The following GNG4 variants were observed in gnomAD, a reference collection of about 807,000 sequenced individuals.
The protein encoded by GNG4 is G protein subunit gamma 4.
In GNG4, 4 loss-of-function variants were observed where a neutral mutation model predicts 5.8. The ratio of observed to expected loss-of-function variants is 0.69; its 90% CI spans 0.34 to 1.57. GNG4 has a LOEUF of 1.57. Among genes scored for constraint, GNG4 ranks in the 40% most tolerant of loss-of-function variants. The probability of loss-of-function intolerance (pLI) is 0.06; values close to 1 mark genes in which losing one functional copy is unlikely to be tolerated. For synonymous variants in GNG4, 29 were observed against 32.9 expected (o/e 0.88, Z 0.41); for missense variants, 96 against 95.1 (o/e 1.01, Z -0.04).
intron 1 of GNG4, among the ~76,000 whole-genome samples, chr1:235,616,926 T>C (rs1211086761): frequency 1.5e-5 from 2 of 136,584 alleles, no homozygotes; most frequent in Non-Finnish European, 3.0e-5. Context: ...TTTTTTTTTT[T>C]CAGTAGAGAT....
chr1:235,581,803 C>G (rs4268348), intron 3 of GNG4, among the ~76,000 whole-genome samples: 44,754 of 152,050 alleles, frequency 0.29, 7,567 homozygotes, highest in African/African-American at 0.45. Flanking sequence ...TGACTTTCCT[C>G]TTTCTTTTAG....
chr1:235,643,312 G>T lies in GNG4; in HGVS notation c.-123+6350C>A, dbSNP rs549529110. ...CTGGAAAGCCCTTTCTCATTTGTCT[G>T]GCTTGAAAAACCTGCCTCAGCTCAC... On this transcript the variant is annotated intron_variant, in intron 1 of 3. Coordinates refer to ENST00000391854, the MANE Select transcript of GNG4 (RefSeq NM_001098722.2). 8.2e-4 allele frequency among the ~76,000 whole-genome samples: 125 copies of T among 152,280 alleles called. 1 individual carries two copies. The highest frequency in any genetic ancestry group is 1.4e-3 in the Non-Finnish European group (92 of 68,024).
intron 1 of GNG4, among the ~76,000 whole-genome samples, chr1:235,626,429 G>A (rs1688810644): frequency 6.6e-6 from 1 of 152,170 alleles, no homozygotes; most frequent in Admixed American, 6.6e-5. Flanking sequence ...CCTGGGACTA[G>A]AGGGAGGCTA....
At chr1:235,618,258 C>T (rs1184431222) in intron 1 of GNG4, among the ~76,000 whole-genome samples, 1 of 152,168 alleles carries the variant, frequency 6.6e-6, no homozygotes, top group Non-Finnish European at 1.5e-5. Context: ...GATGGGCTTT[C>T]AATCACCTGT....
intron 3 of GNG4, among the ~76,000 whole-genome samples, chr1:235,564,572 T>G (rs867165778): frequency 6.6e-6 from 1 of 152,334 alleles, no homozygotes. Context: ...CCTATTTTAA[T>G]GTAAGTATTT....
intron 2 of GNG4, among the ~76,000 whole-genome samples, chr1:235,589,450 G>A (rs771628173): frequency 5.3e-5 from 8 of 152,212 alleles, no homozygotes; most frequent in Non-Finnish European, 1.0e-4. Context: ...CAGTGTGAGA[G>A]AGCTGGTATG....
Position 235,552,062 on chromosome 1 carries a change from G to A in GNG4, c.*47C>T. ...GCTTAGAGCATGCATGGTCTCTACA[G>A]GGGACTTTGAAGGTCAGAAAAGGAG... On this transcript the variant is annotated 3_prime_UTR_variant, in exon 4 of 4. Coordinates refer to ENST00000391854, the MANE Select transcript of GNG4 (RefSeq NM_001098722.2). 1 of 1,590,264 alleles carries A rather than the reference G, an allele frequency of 6.3e-7. No homozygotes were observed. The highest frequency in any genetic ancestry group is 8.6e-7 in the Non-Finnish European group (1 of 1,159,454).
At chr1:235,594,407 C>T (rs1039939947) in intron 2 of GNG4, among the ~76,000 whole-genome samples, 2 of 152,250 alleles carry the variant, frequency 1.3e-5, no homozygotes, top group African/African-American at 2.4e-5. Flanking sequence ...GGTGGAGCTG[C>T]CTGCCAGTCC....
chr1:235,553,636 A>G (rs768010154), intron 3 of GNG4, among the ~76,000 whole-genome samples: 2 of 152,214 alleles, frequency 1.3e-5, no homozygotes, highest in African/African-American at 2.4e-5. Flanking sequence ...TCCAGCAGAG[A>G]TATACAATGA....
chr1:235,606,944 CTTTTTTTTT>C (rs1181596456), intron 1 of GNG4, among the ~76,000 whole-genome samples: 1 of 123,722 alleles, frequency 8.1e-6, no homozygotes, highest in Non-Finnish European at 1.6e-5. Flanking sequence ...CCTTTCTTTC[CTTTTTTTTT>C]TTTTTTTTTT....
At chr1:235,631,894 A>G (rs1688939695) in intron 1 of GNG4, among the ~76,000 whole-genome samples, 3 of 152,024 alleles carry the variant, frequency 2.0e-5, no homozygotes, top group Admixed American at 2.0e-4. Context: ...TATGAGTGGC[A>G]ATACGTGGAT....
At chr1:235,556,684 G>A (rs980714490) in intron 3 of GNG4, among the ~76,000 whole-genome samples, 1 of 151,994 alleles carries the variant, frequency 6.6e-6, no homozygotes, top group African/African-American at 2.4e-5. Context: ...ATGAACTGGG[G>A]GTGGGGGGAT....
intron 1 of GNG4, among the ~76,000 whole-genome samples, chr1:235,619,069 G>A (rs1356219571): frequency 6.7e-6 from 1 of 148,508 alleles, no homozygotes; most frequent in Non-Finnish European, 1.5e-5. Flanking sequence ...GGAGGCTGAG[G>A]TGGGAGGATC....
intron 3 of GNG4, among the ~76,000 whole-genome samples, chr1:235,564,517 G>C (rs146760141): frequency 2.6e-5 from 4 of 151,942 alleles, no homozygotes; most frequent in Non-Finnish European, 5.9e-5. Flanking sequence ...AAAGACTCTT[G>C]GACTGACAGG....
chr1:235,624,686 T>C (rs1688775113), intron 1 of GNG4, among the ~76,000 whole-genome samples: 1 of 152,212 alleles, frequency 6.6e-6, no homozygotes, highest in Admixed American at 6.5e-5. Flanking sequence ...AAGGTTTTGC[T>C]TAACATTGTG....
chr1:235,637,891 G>T (rs560405865), intron 1 of GNG4, among the ~76,000 whole-genome samples: 159 of 152,304 alleles, frequency 1.0e-3, no homozygotes, highest in Non-Finnish European at 1.7e-3. Flanking sequence ...GGTGCACTGG[G>T]CCCAAGGAGC....
intron 3 of GNG4, among the ~76,000 whole-genome samples, chr1:235,552,550 T>A (rs1397547219): frequency 6.6e-6 from 1 of 152,108 alleles, no homozygotes; most frequent in East Asian, 1.9e-4. Flanking sequence ...TCCAGGACAG[T>A]AGTCTCACAA....
intron 3 of GNG4, among the ~76,000 whole-genome samples, chr1:235,583,443 C>A (rs1398561320): frequency 2.6e-5 from 4 of 152,224 alleles, no homozygotes; most frequent in African/African-American, 4.8e-5. Context: ...CATTGCTAAA[C>A]TCTCTTTCTT....
Position 235,584,537 on chromosome 1 carries a change from ACTCT to A in GNG4, c.-10-693_-10-690del, listed in dbSNP as rs750911509. Among the ~76,000 whole-genome samples the A allele has an allele frequency of 1.2e-3, 180 of 152,116 alleles. 1 individual carries two copies. The highest frequency in any genetic ancestry group is 4.1e-3 in the Admixed American group (63 of 15,284). On this transcript the variant is annotated intron_variant, in intron 2 of 3. Transcript: ENST00000391854. ...ACAATAAACACACGCACAAACACAC[ACTCT>A]CTCTCTCTTTCTTCCCTATCCCAAG...
Sources: allele counts gnomAD v4.1 joint callset (sites outside exome capture counted in the v4.1 genomes callset), GRCh38; gene constraint gnomAD v4.1.1; transcripts MANE v1.5; gene names NCBI Gene and HGNC (gene_info 2026-07-23, HGNC 2026-07-21).